The following NEB variants were observed in gnomAD, a reference collection of about 807,000 sequenced individuals.
NEB encodes the protein nemaline myopathy type 2.
A neutral mutation model predicts 952.2 loss-of-function variants in NEB; 512 were observed. That is an observed-to-expected ratio of 0.54 (90% CI 0.50 to 0.58). NEB has a LOEUF of 0.58. Ranked by LOEUF, NEB falls within the 20% of genes least tolerant of loss-of-function variation. The probability of loss-of-function intolerance (pLI) is 0.00; values close to 1 mark genes in which losing one functional copy is unlikely to be tolerated. For missense variants in NEB, 8,428 were observed against 9,231.1 expected (o/e 0.91, Z 3.56); for synonymous variants, 2,900 against 3,149.8 (o/e 0.92, Z 2.66).
At chr2:151,490,220 C>T in intron 180 of NEB, 143 bp from the exon 181 acceptor site, 2 of 1,180,170 alleles carry the variant, frequency 1.7e-6, no homozygotes, top group Non-Finnish European at 2.4e-6. Flanking sequence ...AAACATCTAA[C>T]TTCATGCAGC....
chr2:151,499,096 A>ACTT (rs980185489), intron 169 of NEB, among the ~76,000 whole-genome samples: 10 of 152,298 alleles, frequency 6.6e-5, no homozygotes, highest in South Asian at 2.1e-4. Context: ...AATACTGAAC[A>ACTT]CTTTTTTTAT....
chr2:151,563,503 C>G, intron 119 of NEB, 103 bp downstream of exon 119: 1 of 984,896 alleles, frequency 1.0e-6, no homozygotes, highest in Non-Finnish European at 1.6e-6. Flanking sequence ...CTACGCTACT[C>G]CATTTCCCAG....
chr2:151,662,868 C>T (rs1419919183), intron 45 of NEB, among the ~76,000 whole-genome samples: 1 of 152,150 alleles, frequency 6.6e-6, no homozygotes, highest in African/African-American at 2.4e-5. Context: ...TGACATTTCT[C>T]TCTACACCTG....
chr2:151,696,928 G>T (rs192510362), intron 16 of NEB, among the ~76,000 whole-genome samples, 193 bp from the exon 17 acceptor site: 2 of 152,168 alleles, frequency 1.3e-5, no homozygotes, highest in East Asian at 3.9e-4. Flanking sequence ...CTATATCTTC[G>T]GGTTTCCAAT....
rs2153708778 is a variant in NEB, at chr2:151,562,134, C to T, written c.18972G>A (p.Lys6324=). The part of the protein sequence containing the change: ...VWDTPQILHA[K]KSYDLQSQLQ... Reference sequence around the variant, plus strand: ...CCTGACTCTGAAGGTCGTATGATTTCTTGGCATGGAGGATTTGGGGTGTAT... The same window carrying T: ...CCTGACTCTGAAGGTCGTATGATTTTTTGGCATGGAGGATTTGGGGTGTAT... Residue 6324 remains lysine, a synonymous_variant, in exon 121 of 182, where the codon AAG becomes AAA. Transcript: ENST00000397345. The T allele has an allele frequency of 1.2e-6, 2 of 1,613,582 alleles. No homozygotes were observed. Among genetic ancestry groups the T allele is most frequent in the Non-Finnish European group, 1.7e-6 (2 of 1,179,586 alleles).
chr2:151,565,273 A>G (rs1002445790), intron 116 of NEB, 125 bp from the exon 117 acceptor site: 5 of 673,792 alleles, frequency 7.4e-6, no homozygotes, highest in Non-Finnish European at 1.0e-5. Context: ...ATTTTAGCCC[A>G]TTTTAGCTAA....
intron 164 of NEB, chr2:151,505,847 T>C (rs2153180647): frequency 1.9e-6 from 1 of 536,164 alleles, no homozygotes; most frequent in South Asian, 2.4e-5. Context: ...CCAATGTCTT[T>C]ATGCCCAGCA....
In NEB at chr2:151,612,195, T is replaced by C. The variant is rs370268300; in HGVS notation, c.11796A>G (p.Thr3932=). 1.4e-5 allele frequency: 22 copies of C among 1,613,314 alleles called. No homozygotes were observed. Among genetic ancestry groups the C allele is most frequent in the Non-Finnish European group, 1.8e-5 (21 of 1,179,558 alleles). Residue 3932 remains threonine, a synonymous_variant, in exon 78 of 182, where the codon ACA becomes ACG. Coordinates refer to ENST00000397345, the MANE Select transcript of NEB (RefSeq NM_001164508.2). ...EIVLAKNNAL[T]MSKHLYTEAW... Reference sequence around the variant, plus strand: ...ACAGCTGGAGACTCACCTTGCTCATTGTCAGGGCATTATTCTTTGCTAGGA... The same window carrying C: ...ACAGCTGGAGACTCACCTTGCTCATCGTCAGGGCATTATTCTTTGCTAGGA...
At chr2:151,504,216 G>T (rs144791747) in intron 165 of NEB, among the ~76,000 whole-genome samples, 1 of 152,100 alleles carries the variant, frequency 6.6e-6, no homozygotes, top group Non-Finnish European at 1.5e-5. Flanking sequence ...GGGGAGCAAC[G>T]TACCCAGATT....
chr2:151,497,972 G>T, intron 170 of NEB: 2 of 1,435,144 alleles, frequency 1.4e-6, no homozygotes, highest in Non-Finnish European at 1.8e-6. Flanking sequence ...TGTGAGTACG[G>T]TGCCTCCTAA....
chr2:151,527,421 T>C, intron 147 of NEB, 60 bp downstream of exon 147: 1 of 1,181,536 alleles, frequency 8.5e-7, no homozygotes. Context: ...TAAATAATTA[T>C]TCATTGTATT....
At position 151,563,253 on chromosome 2, in the gene NEB, G is replaced by T. The variant is rs561806276; in HGVS notation, c.18693+353C>A. Among the ~76,000 whole-genome samples, 3 of 152,186 alleles carry T rather than the reference G, an allele frequency of 2.0e-5. No homozygotes were observed. In the South Asian group the frequency reaches 6.2e-4, roughly 32 times the overall value. ...CAGTCTCGAACTCCTGACCTCTGGT[G>T]ATCTGCCTGCCTTGGCCTCCAAAGT... On this transcript the variant is annotated intron_variant, in intron 119 of 181. Transcript: ENST00000397345.
intron 105 of NEB, among the ~76,000 whole-genome samples, chr2:151,578,721 A>G (rs1422331948): frequency 6.8e-6 from 1 of 147,388 alleles, no homozygotes; most frequent in Admixed American, 6.8e-5. Context: ...GAAGGAAGGA[A>G]GGAGGGAAGG....
rs2098177631 is a variant in NEB, at chr2:151,615,880, A to G, written c.11289+122T>C. The G allele has an allele frequency of 6.7e-6, 5 of 745,050 alleles. No individual in the cohort carries two copies. The Admixed American group carries it at 1.5e-4, about 23-fold the overall frequency. The allele number at this position is 745,050 out of a possible 1,614,324, so 46.2% of individuals were successfully genotyped here. On this transcript the variant is annotated intron_variant, in intron 76 of 181. Transcript: ENST00000397345. ...TTCCATTTACAATTTTGTATAGGGG[A>G]AAATCACTAAAGGGAATTGAGACTT...
At chr2:151,560,966 G>A in intron 123 of NEB, 38 bp downstream of exon 123, 2 of 1,255,548 alleles carry the variant, frequency 1.6e-6, no homozygotes, top group Non-Finnish European at 2.3e-6. Flanking sequence ...AGGGGGAAAG[G>A]TGGCTCATAT....
chr2:151,699,256 C>G, intron 13 of NEB, among the ~76,000 whole-genome samples: 1 of 20,004 alleles, frequency 5.0e-5, no homozygotes, highest in Non-Finnish European at 8.9e-5. Flanking sequence ...TTAATCCAGT[C>G]TATCATTGTT....
chr2:151,494,448 G>A (rs573293100), intron 173 of NEB, among the ~76,000 whole-genome samples, 195 bp from the exon 174 acceptor site: 1 of 152,210 alleles, frequency 6.6e-6, no homozygotes, highest in South Asian at 2.1e-4. Context: ...ATAGGCACCT[G>A]CCCTGAAACC....
In NEB at chr2:151,610,201, G is replaced by A. The variant is rs544684151; in HGVS notation, c.12019-81C>T. 37 of 1,193,204 alleles carry A rather than the reference G, an allele frequency of 3.1e-5. No homozygotes were observed. In the East Asian group the frequency reaches 8.5e-4, roughly 27 times the overall value. The allele number at this position is 1,193,204 out of a possible 1,614,324, so 73.9% of individuals were successfully genotyped here. On this transcript the variant is annotated intron_variant, in intron 80 of 181. Coordinates refer to ENST00000397345, the MANE Select transcript of NEB (RefSeq NM_001164508.2). ...CTGACAATTACAGACAACATGAAAT[G>A]GACAAGATTTTATATTACAAACATT...
rs935992907 is a variant in NEB, at chr2:151,519,026, G to T, written c.22634C>A (p.Thr7545Asn). The change falls in exon 155 of 182, where the codon ACT becomes AAT. Residue 7545 changes from threonine to asparagine, a missense_variant. Physicochemically the swap from Thr to Asn is moderately conservative, Grantham distance 65. This residue lies in a region of NEB where 3,374 missense variants were observed against 3,651.5 expected (regional missense o/e 0.92). Coordinates refer to ENST00000397345, the MANE Select transcript of NEB (RefSeq NM_001164508.2). ...ADLKKLHKPV[T>N]DMKESLIMNH... Reference sequence around the variant, plus strand: ...CATGATCAGAGACTCCTTCATGTCAGTCACGGGTTTGTGAAGTTTCTTCAG... The same window carrying T: ...CATGATCAGAGACTCCTTCATGTCATTCACGGGTTTGTGAAGTTTCTTCAG... 5 of 1,613,734 alleles carry T rather than the reference G, an allele frequency of 3.1e-6. No homozygotes were observed. The highest frequency in any genetic ancestry group is 4.2e-6 in the Non-Finnish European group (5 of 1,179,686).
Sources: allele counts gnomAD v4.1 joint callset (sites outside exome capture counted in the v4.1 genomes callset), GRCh38; gene constraint gnomAD v4.1.1; regional missense constraint gnomAD v4.1.1; transcripts MANE v1.5; gene names NCBI Gene and HGNC (gene_info 2026-07-23, HGNC 2026-07-21).